ITIH5: variants seen among roughly 807,000 people sequenced by gnomAD.
The protein encoded by ITIH5 is inter-alpha-trypsin inhibitor heavy chain 5.
A neutral mutation model predicts 77.5 loss-of-function variants in ITIH5; 65 were observed. The ratio of observed to expected loss-of-function variants is 0.84; its 90% CI spans 0.69 to 1.03. ITIH5 has a LOEUF of 1.03. ITIH5 is among the 50% of genes least tolerant of loss of function. The pLI is 0.00. For synonymous variants in ITIH5, 525 were observed against 494.3 expected (o/e 1.06, Z -0.82); for missense variants, 1,208 against 1,213.1 (o/e 1.00, Z 0.06).
chr10:7,620,703 C>T (rs915476254), intron 5 of ITIH5: 8 of 150,968 alleles, frequency 5.3e-5, no homozygotes, highest in African/African-American at 2.0e-4. Flanking sequence ...CTGTCCTTCT[C>T]CTTAGGATGA....
At chr10:7,624,805 ATATATATACACATATATATGTG>A (rs1564266507) in intron 5 of ITIH5, among the ~76,000 whole-genome samples, 1 of 121,328 alleles carries the variant, frequency 8.2e-6, no homozygotes, top group East Asian at 2.5e-4. Flanking sequence ...AAAAATATAT[ATATATATACACATATATATGTG>A]TATATACATG....
At chr10:7,633,409 G>A (rs1017460894) in intron 5 of ITIH5, among the ~76,000 whole-genome samples, 1 of 152,188 alleles carries the variant, frequency 6.6e-6, no homozygotes, top group African/African-American at 2.4e-5. Flanking sequence ...TGAGGCAAAG[G>A]TGGATTGTAT....
At chr10:7,591,774 A>G (rs1832797976) in intron 7 of ITIH5, among the ~76,000 whole-genome samples, 1 of 152,018 alleles carries the variant, frequency 6.6e-6, no homozygotes, top group African/African-American at 2.4e-5. Flanking sequence ...ACGTTGATAT[A>G]CAGAACATCC....
chr10:7,619,421 G>A (rs1833432882), intron 5 of ITIH5: 2 of 157,358 alleles, frequency 1.3e-5, no homozygotes, highest in Admixed American at 1.3e-4. Context: ...TCACAGTATT[G>A]AAAAGATCAA....
intron 8 of ITIH5, among the ~76,000 whole-genome samples, chr10:7,582,951 A>G (rs1177599206): frequency 6.6e-6 from 1 of 152,170 alleles, no homozygotes. Context: ...GATTATATTC[A>G]ATAATAATTT....
At chr10:7,656,912 T>G (rs1354976324) in intron 1 of ITIH5, among the ~76,000 whole-genome samples, 1 of 151,414 alleles carries the variant, frequency 6.6e-6, no homozygotes, top group Non-Finnish European at 1.5e-5. Context: ...CCCCGCTAAT[T>G]TTTGTATTTT....
intron 1 of ITIH5, among the ~76,000 whole-genome samples, chr10:7,659,446 A>C (rs1834241426): frequency 6.6e-6 from 1 of 152,090 alleles, no homozygotes; most frequent in Non-Finnish European, 1.5e-5. Context: ...GATGCACAAG[A>C]GACTGTGAAA....
At chr10:7,568,157 C>CATGTTAA (rs1444646847) in intron 12 of ITIH5, among the ~76,000 whole-genome samples, 1 of 152,152 alleles carries the variant, frequency 6.6e-6, no homozygotes, top group Admixed American at 6.5e-5. Context: ...TTAGGTGATG[C>CATGTTAA]ATGTTAAATG....
rs764933816 is a variant in ITIH5, at chr10:7,638,741, A to T, written c.402-1263T>A. On this transcript the variant is annotated intron_variant, in intron 4 of 13. Transcript: ENST00000397146. ...GAATACGAAAAGAGATACCAGGGTA[A>T]AAGTTTTGCATCAAGGCTGAAAAGC... Among the ~76,000 whole-genome samples, 9 of 152,338 alleles carry T rather than the reference A, an allele frequency of 5.9e-5. No homozygotes were observed. The East Asian group carries it at 1.7e-3, about 29-fold the overall frequency.
intron 1 of ITIH5, among the ~76,000 whole-genome samples, chr10:7,666,580 A>C (rs1271668316): frequency 2.0e-5 from 3 of 152,212 alleles, no homozygotes; most frequent in Admixed American, 6.5e-5. Flanking sequence ...TCGGCTCCGC[A>C]GGACAAGTCC....
chr10:7,624,764 C>T (rs1404241136), intron 5 of ITIH5, among the ~76,000 whole-genome samples: 1 of 57,198 alleles, frequency 1.7e-5, no homozygotes, highest in Non-Finnish European at 3.3e-5. Flanking sequence ...CCAACCTGGG[C>T]GATAGAGTGA....
In ITIH5 at chr10:7,629,686, T is replaced by C. The variant is rs557060420; in HGVS notation, c.652+7542A>G. 4.6e-3 allele frequency among the ~76,000 whole-genome samples: 699 copies of C among 152,384 alleles called. 6 individuals are homozygous for C. Among genetic ancestry groups the C allele is most frequent in the Middle Eastern group, 0.031 (9 of 294 alleles). On this transcript the variant is annotated intron_variant, in intron 5 of 13. Coordinates refer to ENST00000397146, the MANE Select transcript of ITIH5 (RefSeq NM_030569.7). ...TTCATGCCTGGATAATATTCCATTGTACGCATATACCACATTTTGTTTTTC... is the reference window on the plus strand; with the variant it reads ...TTCATGCCTGGATAATATTCCATTGCACGCATATACCACATTTTGTTTTTC...
intron 8 of ITIH5, among the ~76,000 whole-genome samples, chr10:7,581,460 CCTT>C (rs968233531): frequency 1.2e-4 from 19 of 152,106 alleles, no homozygotes; most frequent in African/African-American, 4.6e-4. Flanking sequence ...GTTTTTCTCT[CCTT>C]TTTTTCTTTT....
chr10:7,580,801 T>G (rs955821693), intron 8 of ITIH5, among the ~76,000 whole-genome samples: 1 of 152,168 alleles, frequency 6.6e-6, no homozygotes, highest in African/African-American at 2.4e-5. Context: ...GTGGAGCTGA[T>G]GAAAGAATGA....
At chr10:7,602,665 A>G (rs1833038593) in intron 7 of ITIH5, among the ~76,000 whole-genome samples, 1 of 152,174 alleles carries the variant, frequency 6.6e-6, no homozygotes, top group African/African-American at 2.4e-5. Context: ...TCTTTCCTTC[A>G]TAAATTACTC....
chr10:7,657,041 CTTTTT>C (rs56737624), intron 1 of ITIH5, among the ~76,000 whole-genome samples: 2 of 99,870 alleles, frequency 2.0e-5, no homozygotes, highest in Admixed American at 1.1e-4. Flanking sequence ...CGCGTTCGGC[CTTTTT>C]TTTTTTTTTT....
chr10:7,650,781 G>T (rs1039453791), intron 2 of ITIH5, among the ~76,000 whole-genome samples: 4 of 151,720 alleles, frequency 2.6e-5, no homozygotes, highest in Non-Finnish European at 5.9e-5. Flanking sequence ...GAATGAAACA[G>T]GAGAAAAAGG....
chr10:7,611,301 C>A (rs1193899868), intron 7 of ITIH5, among the ~76,000 whole-genome samples: 1 of 152,242 alleles, frequency 6.6e-6, no homozygotes, highest in African/African-American at 2.4e-5. Context: ...ACATAATACT[C>A]TTAGCTATTT....
Position 7,579,915 on chromosome 10 carries a change from G to A in ITIH5, c.1258C>T (p.Leu420Phe). The A allele has an allele frequency of 1.2e-6, 2 of 1,614,238 alleles. No homozygotes were observed. The highest frequency in any genetic ancestry group is 2.2e-5 in the South Asian group (2 of 91,086). ...CGGGCGGCCTCTCGGGTGTTGTTGA[G>A]GATCTTGAGGGTGTGCGTCTCCCCG... ...TVGETHTLKI[L>F]NNTREAARGQ... The change falls in exon 9 of 14, where the codon CTC (leucine) becomes TTC (phenylalanine). Residue 420 changes from leucine (L) to phenylalanine (F), a missense_variant. By Grantham distance (22) the Leu-to-Phe change is conservative. Transcript: ENST00000397146.
Sources: gnomAD v4.1 joint callset for allele counts (sites outside exome capture counted in the v4.1 genomes callset) on GRCh38, gnomAD v4.1.1 for gene constraint, MANE v1.5 for transcripts, NCBI Gene and HGNC (gene_info 2026-07-23, HGNC 2026-07-21) for gene names.